Variants in ZNF761 observed in about 807,000 individuals in gnomAD.
The protein encoded by ZNF761 is zinc finger protein 761.
A neutral mutation model predicts 59.9 loss-of-function variants in ZNF761; 43 were observed. That is an observed-to-expected ratio of 0.72 (90% confidence interval 0.56 to 0.92). The LOEUF (loss-of-function observed/expected upper bound fraction) is 0.92, where lower values mean the gene tolerates loss of function less well. Ranked by LOEUF, ZNF761 falls within the 40% of genes least tolerant of loss-of-function variation. The pLI is 0.00. For missense variants in ZNF761, 850 were observed against 906.1 expected, an observed-to-expected ratio of 0.94 and a Z score of 0.79; for synonymous variants, 294 against 304.8, an observed-to-expected ratio of 0.96 and a Z score of 0.37.
At position 53,457,750 on chromosome 19, in the gene ZNF761, G is replaced by C. The variant is rs1180325372; in HGVS notation, c.*1002G>C. ...ACCTGTAATCTGAGCGCTTTGGGAGGCCAAGGTGGGTAGATCACTTGAGGT... is the reference window on the plus strand; with the variant it reads ...ACCTGTAATCTGAGCGCTTTGGGAGCCCAAGGTGGGTAGATCACTTGAGGT... On this transcript the variant is annotated 3_prime_UTR_variant, in exon 5 of 5. Transcript: ENST00000684525. The C allele has an allele frequency of 1.9e-5, 3 of 161,664 alleles. No individual in the cohort carries two copies. The highest frequency in any genetic ancestry group is 4.3e-5 in the Non-Finnish European group (3 of 70,480). 10.0% of individuals were successfully genotyped at this position (161,664 alleles called of 1,614,324 possible). A position where few individuals can be genotyped will look rare whatever the true frequency, so the allele number is the denominator to read the frequency against.
chr19:53,435,941 G>A (rs112363266), intron 1 of ZNF761, among the ~76,000 whole-genome samples: 9 of 152,330 alleles, frequency 5.9e-5, no homozygotes, highest in Middle Eastern at 3.4e-3. Context: ...TCGGCCGTGC[G>A]TAGACTAGTC....
intron 1 of ZNF761, among the ~76,000 whole-genome samples, chr19:53,439,175 G>T (rs2086072876): frequency 6.6e-6 from 1 of 151,076 alleles, no homozygotes; most frequent in African/African-American, 2.4e-5. Context: ...GGAGGCAAAG[G>T]CAGGAGAATT....
chr19:53,454,554 T>C (rs2086246792), intron 4 of ZNF761, 96 bp from the exon 5 acceptor site: 1 of 1,336,530 alleles, frequency 7.5e-7, no homozygotes, highest in African/African-American at 1.5e-5. Flanking sequence ...TTGGAAAGTT[T>C]AAAATAACTA....
Position 53,453,104 on chromosome 19 carries a change from T to A in ZNF761, c.143-1546T>A, listed in dbSNP as rs543259339. Reference sequence around the variant, plus strand: ...ACAACCTCCACTTCCTGGGTTCAAATGATTCTCCTGCCTCAGCCTTCCAAG... The same window carrying A: ...ACAACCTCCACTTCCTGGGTTCAAAAGATTCTCCTGCCTCAGCCTTCCAAG... On this transcript the variant is annotated intron_variant, in intron 4 of 4. Transcript: ENST00000684525. Among the ~76,000 whole-genome samples, 4 of 152,306 alleles carry A rather than the reference T, an allele frequency of 2.6e-5. No individual in the cohort carries two copies. In the East Asian group the frequency reaches 7.7e-4, roughly 29 times the overall value.
At chr19:53,441,760 A>G in intron 1 of ZNF761, 1 of 822,920 alleles carries the variant, frequency 1.2e-6, no homozygotes, top group Non-Finnish European at 2.0e-6. Flanking sequence ...GATAAATCTT[A>G]GTTTTCAAAA....
chr19:53,447,686 A>T (rs892799455), intron 3 of ZNF761, among the ~76,000 whole-genome samples: 10 of 152,234 alleles, frequency 6.6e-5, no homozygotes, highest in African/African-American at 2.4e-4. Flanking sequence ...TAAATTCTAG[A>T]AAAGGTGACC....
intron 1 of ZNF761, among the ~76,000 whole-genome samples, chr19:53,434,976 A>G (rs981531735): frequency 6.6e-6 from 1 of 152,140 alleles, no homozygotes; most frequent in Non-Finnish European, 1.5e-5. Flanking sequence ...TTTTGATAAC[A>G]TATAGGTAGG....
At chr19:53,438,146 G>A (rs10421664) in intron 1 of ZNF761, among the ~76,000 whole-genome samples, 71,293 of 107,016 alleles carry the variant, frequency 0.67, 25,756 homozygotes, top group Non-Finnish European at 0.73. Flanking sequence ...AGGTTAGGGT[G>A]TTTAGTGTTC....
rs946295601 is a variant in ZNF761 at position 53,455,440 on chromosome 19, A to T, written c.933A>T (p.Ser311=). The change falls in exon 5 of 5, where the codon TCA becomes TCT. Residue 311 remains serine, a synonymous_variant. Coordinates refer to ENST00000684525, the MANE Select transcript of ZNF761 (RefSeq NM_001289951.2). ...EECDKAFHFK[S]ILERHRIIHT... ...GTGACAAAGCTTTCCATTTCAAATC[A>T]ATACTTGAAAGACATAGGATAATTC... The T allele has an allele frequency of 1.2e-6, 2 of 1,613,620 alleles. No homozygotes were observed. Among genetic ancestry groups the T allele is most frequent in the African/African-American group, 2.7e-5 (2 of 74,788 alleles).
In ZNF761 at chr19:53,455,814, A is replaced by G. The variant is rs114574191; in HGVS notation, c.1307A>G (p.Asn436Ser). The change falls in exon 5 of 5, where the codon AAT (asparagine) becomes AGT (serine). Residue 436 changes from asparagine (N) to serine (S), a missense_variant. Transcript: ENST00000684525. ...EIHRKIHTEDNAYKCNECGKT... is the reference protein window; with the variant it reads ...EIHRKIHTEDSAYKCNECGKT... Reference sequence around the variant, plus strand: ...CATCGGAAAATTCATACTGAAGACAATGCTTACAAGTGTAATGAGTGTGGA... The same window carrying G: ...CATCGGAAAATTCATACTGAAGACAGTGCTTACAAGTGTAATGAGTGTGGA... 5.6e-6 allele frequency: 9 copies of G among 1,614,006 alleles called. No individual in the cohort carries two copies. Among genetic ancestry groups the G allele is most frequent in the Non-Finnish European group, 7.6e-6 (9 of 1,180,002 alleles).
Position 53,458,092 on chromosome 19 carries a change from T to C in ZNF761, c.*1344T>C, listed in dbSNP as rs2086287279. ...TTTAAAATTTTCTTTTAAAATTGTT[T>C]ATTGTTAAAGTATGGAAATTCAACT... On this transcript the variant is annotated 3_prime_UTR_variant, in exon 5 of 5. Coordinates refer to ENST00000684525, the MANE Select transcript of ZNF761 (RefSeq NM_001289951.2). The C allele has an allele frequency of 6.6e-6, 1 of 152,366 alleles. No homozygotes were observed. Among genetic ancestry groups the C allele is most frequent in the Non-Finnish European group, 1.5e-5 (1 of 68,146 alleles). 9.4% of individuals were successfully genotyped at this position (152,366 alleles called of 1,614,324 possible). A position where few individuals can be genotyped will look rare whatever the true frequency, so the allele number is the denominator to read the frequency against.
chr19:53,447,427 A>T, intron 3 of ZNF761, 144 bp downstream of exon 3: 1 of 1,232,016 alleles, frequency 8.1e-7, no homozygotes. Context: ...AGTCCCTCTT[A>T]TCTCGCTTAG....
chr19:53,439,565 A>G (rs543169599), intron 1 of ZNF761, among the ~76,000 whole-genome samples: 1 of 152,136 alleles, frequency 6.6e-6, no homozygotes, highest in Non-Finnish European at 1.5e-5. Flanking sequence ...CCAGACAGAT[A>G]ACAAAAGAAA....
At position 53,447,236 on chromosome 19, in the gene ZNF761, C is replaced by T. The variant is rs575173586; in HGVS notation, c.-33C>T. 34 of 1,610,274 alleles carry T rather than the reference C, an allele frequency of 2.1e-5. No homozygotes were observed. The highest frequency in any genetic ancestry group is 5.3e-5 in the African/African-American group (4 of 74,890). ...ACTCTTGGTACGTGAGGAAGAAACC[C>T]GGAAGAGGAAGAGGAGAGCAAAGGA... On this transcript the variant is annotated 5_prime_UTR_variant, in exon 3 of 5. Coordinates refer to ENST00000684525, the MANE Select transcript of ZNF761 (RefSeq NM_001289951.2).
At chr19:53,453,116 C>G (rs1365253009) in intron 4 of ZNF761, among the ~76,000 whole-genome samples, 1 of 152,182 alleles carries the variant, frequency 6.6e-6, no homozygotes, top group Non-Finnish European at 1.5e-5. Context: ...ATTCTCCTGC[C>G]TCAGCCTTCC....
chr19:53,441,515 C>G (rs143719935), intron 1 of ZNF761, among the ~76,000 whole-genome samples: 1 of 149,316 alleles, frequency 6.7e-6, no homozygotes, highest in South Asian at 2.1e-4. Flanking sequence ...GGCATGATGT[C>G]GGTTCACTGC....
rs575467158 is a variant in ZNF761 at position 53,450,967 on chromosome 19, T to C, written c.142+1329T>C. 1.4e-4 allele frequency among the ~76,000 whole-genome samples: 20 copies of C among 147,300 alleles called. 1 individual carries two copies. Among genetic ancestry groups the C allele is most frequent in the African/African-American group, 4.3e-4 (17 of 39,356 alleles). On this transcript the variant is annotated intron_variant, in intron 4 of 4. Coordinates refer to ENST00000684525, the MANE Select transcript of ZNF761 (RefSeq NM_001289951.2). ...CCGATTGCACCACTGCACTCCAGCC[T>C]GGGCGATAGCACGAGACTCTGTCTC... is the stretch of plus-strand genomic sequence containing the variant.
At chr19:53,436,862 G>C (rs2086047677) in intron 1 of ZNF761, among the ~76,000 whole-genome samples, 1 of 152,298 alleles carries the variant, frequency 6.6e-6, no homozygotes, top group East Asian at 1.9e-4. Flanking sequence ...CTCTGGCACG[G>C]GGCAGTTCGC....
At chr19:53,454,062 C>T (rs560170642) in intron 4 of ZNF761, among the ~76,000 whole-genome samples, 1 of 152,062 alleles carries the variant, frequency 6.6e-6, no homozygotes, top group African/African-American at 2.4e-5. Context: ...CAACCTCTGC[C>T]CCTTGGGTTC....
Sources: allele counts gnomAD v4.1 joint callset (sites outside exome capture counted in the v4.1 genomes callset), GRCh38; gene constraint gnomAD v4.1.1; transcripts MANE v1.5; gene names NCBI Gene and HGNC (gene_info 2026-07-23, HGNC 2026-07-21).